The following EEA1 variants were observed in gnomAD, a reference collection of about 807,000 sequenced individuals.
EEA1 encodes the protein early endosome antigen 1, 162kD.
In EEA1, 111 loss-of-function variants were observed where a neutral mutation model predicts 209.2. The ratio of observed to expected loss-of-function variants is 0.53; its 90% CI spans 0.45 to 0.62. EEA1 has a LOEUF of 0.62. EEA1 is among the 20% of genes least tolerant of loss of function. EEA1 has a pLI of 0.00. For missense variants in EEA1, 1,343 were observed against 1,530.8 expected, an observed-to-expected ratio of 0.88 and a Z score of 2.05; for synonymous variants, 536 against 540.6, an observed-to-expected ratio of 0.99 and a Z score of 0.12.
At chr12:92,821,556 G>A (rs546783253) in intron 13 of EEA1, among the ~76,000 whole-genome samples, 8 of 152,116 alleles carry the variant, frequency 5.3e-5, no homozygotes, top group African/African-American at 1.7e-4. Flanking sequence ...ATAGATCGAC[G>A]CTACTACAAA....
At chr12:92,786,922 T>A (rs1216824863) in intron 22 of EEA1, among the ~76,000 whole-genome samples, 1 of 152,214 alleles carries the variant, frequency 6.6e-6, no homozygotes, top group Non-Finnish European at 1.5e-5. Flanking sequence ...AAGGCAATTA[T>A]GTTAACTGTC....
intron 1 of EEA1, among the ~76,000 whole-genome samples, chr12:92,910,957 G>A (rs1880562334): frequency 6.6e-6 from 1 of 152,178 alleles, no homozygotes; most frequent in Non-Finnish European, 1.5e-5. Flanking sequence ...CTAGTAGAAT[G>A]GCCAAAATCC....
chr12:92,883,662 T>C, intron 2 of EEA1: 1 of 634,320 alleles, frequency 1.6e-6, no homozygotes, highest in Non-Finnish European at 2.8e-6. Context: ...TTTTCTTTTC[T>C]CTATCTTACT....
At chr12:92,830,011 TG>T (rs72219740) in intron 11 of EEA1, among the ~76,000 whole-genome samples, 41,456 of 121,672 alleles carry the variant, frequency 0.34, 6,165 homozygotes, top group Non-Finnish European at 0.36. Context: ...AGGGAGAGTG[TG>T]GGGGGGGCGG....
intron 9 of EEA1, among the ~76,000 whole-genome samples, chr12:92,845,188 G>C (rs933264143): frequency 2.6e-5 from 4 of 151,966 alleles, no homozygotes; most frequent in African/African-American, 9.7e-5. Flanking sequence ...TCCAGCACTT[G>C]AAACTTTAAA....
At position 92,780,412 on chromosome 12, in the gene EEA1, C is replaced by T; in HGVS notation, c.3337-1G>A. On this transcript the variant is annotated splice_acceptor_variant, in intron 23 of 28. Coordinates refer to ENST00000322349, the MANE Select transcript of EEA1 (RefSeq NM_003566.4). LOFTEE classifies it high-confidence loss of function. ...TTACCAGTTCTTTTTCTTTCAGTGA[C>T]TGTAGAAAAATGATATATTTTAAAA... is the stretch of plus-strand genomic sequence containing the variant. 6.7e-7 allele frequency: 1 copy of T among 1,501,124 alleles called. No homozygotes were observed. The highest frequency in any genetic ancestry group is 9.0e-7 in the Non-Finnish European group (1 of 1,111,792). 93.0% of individuals were successfully genotyped at this position (1,501,124 alleles called of 1,614,324 possible). A position where few individuals can be genotyped will look rare whatever the true frequency, so the allele number is the denominator to read the frequency against.
chr12:92,841,791 G>C (rs925897091), intron 10 of EEA1, among the ~76,000 whole-genome samples: 2 of 152,136 alleles, frequency 1.3e-5, no homozygotes, highest in African/African-American at 4.8e-5. Context: ...ATATAAAAGG[G>C]TTACAGCCAC....
chr12:92,802,858 ATAATT>A, intron 18 of EEA1, 124 bp from the exon 19 acceptor site: 1 of 703,124 alleles, frequency 1.4e-6, no homozygotes, highest in Non-Finnish European at 2.2e-6. Flanking sequence ...ACAAGTAAAA[ATAATT>A]TAATTTCATA....
intron 2 of EEA1, chr12:92,884,648 G>GTAGCAGCA: frequency 1.6e-6 from 2 of 1,255,652 alleles, no homozygotes; most frequent in South Asian, 2.4e-5. Context: ...ATGAAACCAA[G>GTAGCAGCA]GTGGCTATGG....
At chr12:92,835,103 G>A (rs1266618758) in intron 10 of EEA1, among the ~76,000 whole-genome samples, 1 of 151,820 alleles carries the variant, frequency 6.6e-6, no homozygotes, top group African/African-American at 2.4e-5. Flanking sequence ...GGATGGTCTC[G>A]ATCTCCTGAC....
chr12:92,894,439 AG>A (rs1480550010), intron 1 of EEA1, among the ~76,000 whole-genome samples: 6 of 152,152 alleles, frequency 3.9e-5, no homozygotes, highest in African/African-American at 1.4e-4. Flanking sequence ...ACTAAAAGCT[AG>A]GCCTTTGTGC....
At position 92,801,695 on chromosome 12, in the gene EEA1, T is replaced by G. The variant is rs368982292; in HGVS notation, c.2677A>C (p.Thr893Pro). The G allele has an allele frequency of 1.9e-6, 3 of 1,577,510 alleles. No individual in the cohort carries two copies. In the African/African-American group the frequency reaches 4.1e-5, roughly 22 times the overall value. ...AGTTGATGCTTTAATTCTTTGCAAG[T>G]TTTTTCCTTAAAAAAAATGAAAACT... ...GKAAILDLEK[T>P]CKELKHQLQV... Residue 893 changes from threonine (T) to proline (P), a missense_variant, in exon 20 of 29, where the codon ACT (threonine) becomes CCT (proline). Thr to Pro is a conservative substitution (Grantham distance 38, BLOSUM62 -1). Transcript: ENST00000322349.
At chr12:92,856,323 C>T (rs569193877) in intron 5 of EEA1, among the ~76,000 whole-genome samples, 2 of 152,064 alleles carry the variant, frequency 1.3e-5, no homozygotes, top group Non-Finnish European at 2.9e-5. Flanking sequence ...AAGGCATTTA[C>T]TTAGAAAATA....
chr12:92,925,017 G>C (rs1881155313), intron 1 of EEA1, among the ~76,000 whole-genome samples: 1 of 151,688 alleles, frequency 6.6e-6, no homozygotes, highest in African/African-American at 2.4e-5. Context: ...GTGTTCTTGG[G>C]GCATCCTGAG....
chr12:92,809,222 TA>T, intron 17 of EEA1, 66 bp from the exon 18 acceptor site: 1 of 1,238,222 alleles, frequency 8.1e-7, no homozygotes, highest in Non-Finnish European at 1.1e-6. Context: ...TATTAAATAC[TA>T]TAACATTTTT....
intron 2 of EEA1, among the ~76,000 whole-genome samples, chr12:92,876,720 GA>G (rs1035363078): frequency 6.7e-6 from 1 of 148,160 alleles, no homozygotes; most frequent in Non-Finnish European, 1.5e-5. Flanking sequence ...CCCAAGAAAA[GA>G]AAAAACTTGG....
Position 92,832,693 on chromosome 12 carries a change from G to T in EEA1, c.1073C>A (p.Thr358Asn), listed in dbSNP as rs1359728454. 3 of 1,613,932 alleles carry T rather than the reference G, an allele frequency of 1.9e-6. No homozygotes were observed. Among genetic ancestry groups the T allele is most frequent in the Non-Finnish European group, 2.5e-6 (3 of 1,179,978 alleles). ...TTCTACATGTATTCTATGCAGTGAGGTTTCAGATGCAGACAATCTTGACTG... is the reference window on the plus strand; with the variant it reads ...TTCTACATGTATTCTATGCAGTGAGTTTTCAGATGCAGACAATCTTGACTG... ...QLQSRLSASE[T>N]SLHRIHVELS... Residue 358 changes from threonine to asparagine, a missense_variant, in exon 11 of 29, where the codon ACC (threonine) becomes AAC (asparagine). Thr to Asn is a moderately conservative substitution (Grantham distance 65, BLOSUM62 0). Transcript: ENST00000322349.
chr12:92,812,050 G>C lies in EEA1; in HGVS notation c.2044-616C>G, dbSNP rs191351381. Among the ~76,000 whole-genome samples, 59 of 152,224 alleles carry C rather than the reference G, an allele frequency of 3.9e-4. 1 individual carries two copies. Among genetic ancestry groups the C allele is most frequent in the African/African-American group, 1.3e-3 (53 of 41,562 alleles). ...GTTTTTTAAAAAATGGACCAATAAAGCCAGGTGCGGTGGCTCACACCTATA... is the reference window on the plus strand; with the variant it reads ...GTTTTTTAAAAAATGGACCAATAAACCCAGGTGCGGTGGCTCACACCTATA... On this transcript the variant is annotated intron_variant, in intron 16 of 28. Coordinates refer to ENST00000322349, the MANE Select transcript of EEA1 (RefSeq NM_003566.4).
chr12:92,858,793 G>T (rs968562932), intron 3 of EEA1: 1 of 785,190 alleles, frequency 1.3e-6, no homozygotes, highest in Non-Finnish European at 2.3e-6. Flanking sequence ...AAAATACCTT[G>T]ATGAGGATAC....
Sources: gnomAD v4.1 joint callset for allele counts (sites outside exome capture counted in the v4.1 genomes callset) on GRCh38, gnomAD v4.1.1 for gene constraint, MANE v1.5 for transcripts, NCBI Gene and HGNC (gene_info 2026-07-23, HGNC 2026-07-21) for gene names.